CRTC3: variants seen among roughly 807,000 people sequenced by gnomAD.
CRTC3 encodes CREB regulated transcription coactivator 3.
A neutral mutation model predicts 74.5 loss-of-function variants in CRTC3; 26 were observed. That is an observed-to-expected ratio of 0.35 (90% confidence interval 0.26 to 0.48). The LOEUF is 0.48. CRTC3 is among the 20% of genes least tolerant of loss of function. The pLI, the probability that CRTC3 is intolerant of heterozygous loss-of-function variation, is 0.99. For synonymous variants in CRTC3, 377 were observed against 325.8 expected (o/e 1.16, Z -1.69); for missense variants, 760 against 787.3 (o/e 0.97, Z 0.41).
intron 2 of CRTC3, among the ~76,000 whole-genome samples, chr15:90,571,080 TC>T (rs1262847358): frequency 6.6e-6 from 1 of 152,188 alleles, no homozygotes; most frequent in Non-Finnish European, 1.5e-5. Flanking sequence ...ATAATAAAAG[TC>T]CAATTTAACA....
intron 2 of CRTC3, among the ~76,000 whole-genome samples, chr15:90,578,231 C>T (rs1457651427): frequency 1.3e-5 from 2 of 152,014 alleles, no homozygotes; most frequent in East Asian, 2.0e-4. Flanking sequence ...GTATTTATTA[C>T]CACTGAACTG....
At chr15:90,578,207 G>A (rs569239160) in intron 2 of CRTC3, among the ~76,000 whole-genome samples, 235 of 152,026 alleles carry the variant, frequency 1.5e-3, no homozygotes, top group African/African-American at 5.2e-3. Context: ...ATGAGCCACC[G>A]CACCTGGCCA....
At chr15:90,578,513 C>T (rs1406264140) in intron 2 of CRTC3, among the ~76,000 whole-genome samples, 1 of 151,660 alleles carries the variant, frequency 6.6e-6, no homozygotes, top group Non-Finnish European at 1.5e-5. Context: ...GAGATCGCAA[C>T]ATTGCACTTC....
chr15:90,644,349 T>G lies in CRTC3; in HGVS notation c.*2209T>G, dbSNP rs1302201652. 1 of 230,594 alleles carries G rather than the reference T, an allele frequency of 4.3e-6. No individual in the cohort carries two copies. Among genetic ancestry groups the G allele is most frequent in the Non-Finnish European group, 8.6e-6 (1 of 116,360 alleles). The allele number at this position is 230,594 out of a possible 1,614,324, so 14.3% of individuals were successfully genotyped here. A position where few individuals can be genotyped will look rare whatever the true frequency, so the allele number is the denominator to read the frequency against. ...CTCAACAGGCGATGGTGCTGATGTT[T>G]CAAGAATTGTGTTTTTATAAAACAG... On this transcript the variant is annotated 3_prime_UTR_variant, in exon 15 of 15. Transcript: ENST00000268184.
chr15:90,631,543 C>T (rs777490297), intron 11 of CRTC3, among the ~76,000 whole-genome samples: 7 of 151,910 alleles, frequency 4.6e-5, no homozygotes, highest in Non-Finnish European at 8.8e-5. Context: ...GCCTGGTTAA[C>T]ATGACGAAAC....
intron 7 of CRTC3, among the ~76,000 whole-genome samples, chr15:90,616,942 CCTCTT>C (rs1459973782): frequency 1.3e-5 from 2 of 152,170 alleles, no homozygotes; most frequent in Non-Finnish European, 2.9e-5. Context: ...AGCTAATACT[CCTCTT>C]CTCAATACTT....
intron 2 of CRTC3, among the ~76,000 whole-genome samples, chr15:90,577,495 A>G (rs1481090463): frequency 1.3e-5 from 2 of 152,216 alleles, no homozygotes; most frequent in Non-Finnish European, 2.9e-5. Context: ...AGGTTTAGAA[A>G]TTTAGTTGAA....
chr15:90,623,307 C>G (rs893705821), intron 9 of CRTC3, among the ~76,000 whole-genome samples: 1 of 152,182 alleles, frequency 6.6e-6, no homozygotes, highest in African/African-American at 2.4e-5. Context: ...TTCAGTGGAA[C>G]CTTGAGAATG....
chr15:90,634,847 A>T, intron 11 of CRTC3: 5 of 1,534,652 alleles, frequency 3.3e-6, no homozygotes, highest in Non-Finnish European at 3.6e-6. Flanking sequence ...AAGGAAAAGT[A>T]TTGCAAGCAA....
At chr15:90,634,820 G>T in intron 11 of CRTC3, 1 of 1,507,994 alleles carries the variant, frequency 6.6e-7, no homozygotes, top group Non-Finnish European at 9.1e-7. Flanking sequence ...GAGGCATTTT[G>T]CTTCCAGAAA....
chr15:90,628,756 G>C (rs1968928930), intron 10 of CRTC3, among the ~76,000 whole-genome samples: 1 of 152,014 alleles, frequency 6.6e-6, no homozygotes, highest in African/African-American at 2.4e-5. Context: ...AGTGTGCTAA[G>C]GGTAATTAAA....
At chr15:90,605,594 A>T (rs1968196137) in intron 5 of CRTC3, among the ~76,000 whole-genome samples, 1 of 67,226 alleles carries the variant, frequency 1.5e-5, no homozygotes, top group Non-Finnish European at 3.1e-5. Context: ...TATTCTCTTG[A>T]GTCTCTTTGA....
intron 14 of CRTC3, 79 bp downstream of exon 14, chr15:90,641,278 A>G: frequency 1.0e-6 from 1 of 996,496 alleles, no homozygotes; most frequent in Non-Finnish European, 1.6e-6. Flanking sequence ...GAGTTTAAAC[A>G]ACATAATATT....
chr15:90,630,224 C>T (rs1968987526), intron 11 of CRTC3, among the ~76,000 whole-genome samples: 1 of 152,180 alleles, frequency 6.6e-6, no homozygotes, highest in African/African-American at 2.4e-5. Flanking sequence ...GAAAATCAGT[C>T]ATTGACTCTC....
In CRTC3 at chr15:90,643,499, G is replaced by A. The variant is rs1401853594; in HGVS notation, c.*1359G>A. 4.4e-6 allele frequency: 1 copy of A among 229,166 alleles called. No homozygotes were observed. The highest frequency in any genetic ancestry group is 8.7e-6 in the Non-Finnish European group (1 of 115,574). The allele number at this position is 229,166 out of a possible 1,614,324, so 14.2% of individuals were successfully genotyped here. A position where few individuals can be genotyped will look rare whatever the true frequency, so the allele number is the denominator to read the frequency against. On this transcript the variant is annotated 3_prime_UTR_variant, in exon 15 of 15. Transcript: ENST00000268184. The stretch of plus-strand genomic sequence containing the variant: ...AGCATCCTGGCTGGGCCCCACCCAG[G>A]AAGATCTTCCTTCTCAGATCCACGT...
chr15:90,584,853 C>G (rs76373694), intron 2 of CRTC3, among the ~76,000 whole-genome samples: 5,458 of 152,188 alleles, frequency 0.036, 140 homozygotes, highest in Non-Finnish European at 0.052. Context: ...GAAACAGATA[C>G]AAACCCAAGT....
At chr15:90,574,155 T>C (rs1381136612) in intron 2 of CRTC3, among the ~76,000 whole-genome samples, 1 of 152,180 alleles carries the variant, frequency 6.6e-6, no homozygotes, top group Non-Finnish European at 1.5e-5. Context: ...TTAATGAACA[T>C]TTAAGTAATT....
intron 11 of CRTC3, among the ~76,000 whole-genome samples, chr15:90,636,770 A>T (rs956314019): frequency 6.6e-6 from 1 of 152,286 alleles, no homozygotes; most frequent in Admixed American, 6.5e-5. Flanking sequence ...CTTCAAAAGA[A>T]GACATTTATG....
chr15:90,571,734 G>A (rs1478144486), intron 2 of CRTC3, among the ~76,000 whole-genome samples: 1 of 152,024 alleles, frequency 6.6e-6, no homozygotes, highest in Non-Finnish European at 1.5e-5. Flanking sequence ...TAATCCCCAT[G>A]GTACCTATTG....
Sources: allele counts gnomAD v4.1 joint callset (sites outside exome capture counted in the v4.1 genomes callset), GRCh38; gene constraint gnomAD v4.1.1; transcripts MANE v1.5; gene names NCBI Gene and HGNC (gene_info 2026-07-23, HGNC 2026-07-21).